Variants in STAG2 observed in about 807,000 individuals in gnomAD.
STAG2 encodes cohesin subunit SA-2.
A neutral mutation model predicts 108.1 loss-of-function variants in STAG2; 14 were observed. That is an observed-to-expected ratio of 0.13 (90% confidence interval 0.09 to 0.20). The LOEUF (loss-of-function observed/expected upper bound fraction) is 0.20, where lower values mean the gene tolerates loss of function less well. STAG2 is among the 10% of genes least tolerant of loss of function. The pLI is 1.00. For missense variants in STAG2, 440 were observed against 940.9 expected (o/e 0.47, Z 6.96); for synonymous variants, 307 against 302.7 (o/e 1.01, Z -0.15).
chrX:124,070,139 A>G (rs2058629976), intron 24 of STAG2, among the ~76,000 whole-genome samples: 1 of 111,683 alleles, frequency 9.0e-6, no homozygotes, highest in South Asian at 3.7e-4. Context: ...TGTCCTGGTC[A>G]GCTCACTTGA....
intron 1 of STAG2, among the ~76,000 whole-genome samples, chrX:123,987,779 G>A (rs2055269557): frequency 8.9e-6 from 1 of 111,851 alleles, no homozygotes; most frequent in African/African-American, 3.2e-5. Flanking sequence ...CATAGGAAGC[G>A]TTGTTAGTTA....
At chrX:124,049,625 A>G (rs1453158756) in intron 10 of STAG2, among the ~76,000 whole-genome samples, 1 of 111,914 alleles carries the variant, frequency 8.9e-6, no homozygotes, top group African/African-American at 3.2e-5. Context: ...CTCCATGTCC[A>G]TTCTTACCTT....
At chrX:124,055,121 G>T in intron 13 of STAG2, among the ~76,000 whole-genome samples, 1 of 111,891 alleles carries the variant, frequency 8.9e-6, no homozygotes, top group Non-Finnish European at 1.9e-5. Context: ...AGAACAATCT[G>T]ATATTATATA....
At chrX:124,084,565 A>C (rs778848701) in intron 29 of STAG2, among the ~76,000 whole-genome samples, 15 of 110,970 alleles carry the variant, frequency 1.4e-4, no homozygotes, top group African/African-American at 4.9e-4. Context: ...TGATCTGTCC[A>C]CCTTGGCCTC....
upstream of STAG2, chrX:123,960,704 C>T (rs2053811134): frequency 9.6e-6 from 1 of 104,215 alleles, no homozygotes; most frequent in African/African-American, 3.6e-5. Context: ...TCTAGAACCG[C>T]GGGAGCTTCC....
At chrX:124,061,911 C>T (rs764723714) in intron 17 of STAG2, 37 bp downstream of exon 17, 53 of 987,794 alleles carry the variant, frequency 5.4e-5, no homozygotes, top group Non-Finnish European at 7.2e-5. Context: ...TTCTAAACTC[C>T]ATTTCTCCTT....
At chrX:124,093,663 C>G (rs1489119143) in intron 32 of STAG2, among the ~76,000 whole-genome samples, 3 of 108,934 alleles carry the variant, frequency 2.8e-5, no homozygotes, top group African/African-American at 1.0e-4. Context: ...TTTTTTTGGT[C>G]TCTGTTTTAT....
intron 30 of STAG2, among the ~76,000 whole-genome samples, chrX:124,089,070 C>T (rs755172478): frequency 3.7e-5 from 4 of 108,906 alleles, no homozygotes; most frequent in East Asian, 2.9e-4. Context: ...CGCCCGCCAC[C>T]GCACCTGGCT....
rs193290690 is a variant in STAG2 at position 124,030,921 on chromosome X, G to T, written c.124-40G>T. 239 of 1,153,936 alleles carry T rather than the reference G, an allele frequency of 2.1e-4. No homozygotes were observed. The African/African-American group carries it at 3.1e-3, about 15-fold the overall frequency. The stretch of plus-strand genomic sequence containing the variant: ...TGTAGCTGTGTTTTGAACTCTCAAG[G>T]ATAGTGATATAACTTAACCACCTCG... On this transcript the variant is annotated intron_variant, in intron 4 of 34. Transcript: ENST00000371145.
intron 20 of STAG2, 116 bp from the exon 21 acceptor site, chrX:124,065,760 A>C (rs752525217): frequency 2.1e-6 from 1 of 481,275 alleles, no homozygotes; most frequent in East Asian, 4.4e-5. Flanking sequence ...ATTGAATGAC[A>C]AAGTTCATTT....
At chrX:124,021,140 T>A (rs912687439) in intron 1 of STAG2, among the ~76,000 whole-genome samples, 7 of 112,467 alleles carry the variant, frequency 6.2e-5, no homozygotes, top group Non-Finnish European at 1.3e-4. Flanking sequence ...TTTTCTGTTT[T>A]AGCTTAAGTA....
intron 1 of STAG2, chrX:123,963,359 G>A (rs2053956913): frequency 9.0e-6 from 1 of 111,635 alleles, no homozygotes; most frequent in Non-Finnish European, 1.9e-5. Context: ...TAAAAAAAAG[G>A]CTCTGGGAAG....
At chrX:124,100,457 AGTGGTTTTAT>A in intron 34 of STAG2, 107 bp from the exon 35 acceptor site, 1 of 590,141 alleles carries the variant, frequency 1.7e-6, no homozygotes, top group Non-Finnish European at 2.7e-6. Flanking sequence ...AAGTTTTCAA[AGTGGTTTTAT>A]TAGCATGTTA....
intron 4 of STAG2, among the ~76,000 whole-genome samples, chrX:124,028,794 T>TTATATATATATATATA (rs56052834): frequency 1.3e-5 from 1 of 75,090 alleles, no homozygotes; most frequent in African/African-American, 5.8e-5. Flanking sequence ...TAAGAATAGT[T>TTATATATATATATATA]TATATATATA....
chrX:123,982,494 C>T (rs931700835), intron 1 of STAG2, among the ~76,000 whole-genome samples: 6 of 111,531 alleles, frequency 5.4e-5, no homozygotes, highest in South Asian at 3.7e-4. Flanking sequence ...TGGGTTCAAG[C>T]GATTCTTGTG....
intron 4 of STAG2, among the ~76,000 whole-genome samples, chrX:124,028,822 A>ATTTT (rs767163177): frequency 2.6e-5 from 1 of 38,986 alleles, no homozygotes; most frequent in African/African-American, 1.1e-4. Flanking sequence ...ATATATATAT[A>ATTTT]TTTTTTTTTT....
Position 124,072,257 on chromosome X carries a change from G to A in STAG2, c.2533+934G>A, listed in dbSNP as rs148745215. On this transcript the variant is annotated intron_variant, in intron 25 of 34. Transcript: ENST00000371145. Reference sequence around the variant, plus strand: ...TGGTCTCAAGTGATCTTCTTGCCTCGGCCTCCCAAACTGTGAAGTTAAAAC... The same window carrying A: ...TGGTCTCAAGTGATCTTCTTGCCTCAGCCTCCCAAACTGTGAAGTTAAAAC... 7.4e-3 allele frequency among the ~76,000 whole-genome samples: 817 copies of A among 111,079 alleles called. 7 individuals carry two copies. Among genetic ancestry groups the A allele is most frequent in the African/African-American group, 0.025 (766 of 30,550 alleles).
chrX:123,983,974 C>CTTTTCTTTTTTTTTTTTTTTTTTTT (rs1168788249), intron 1 of STAG2, among the ~76,000 whole-genome samples: 2 of 61,478 alleles, frequency 3.3e-5, no homozygotes, highest in African/African-American at 1.8e-4. Flanking sequence ...CTTTTCTTTT[C>CTTTTCTTTTTTTTTTTTTTTTTTTT]TTTTTTTTTT....
Position 124,090,931 on chromosome X carries a change from A to G in STAG2, c.3545A>G (p.Tyr1182Cys). 3.3e-6 allele frequency: 4 copies of G among 1,209,527 alleles called. No individual in the cohort carries two copies. The highest frequency in any genetic ancestry group is 2.2e-5 in the Admixed American group (1 of 45,965). ...CAGCAGGAGAGAGCAGCAATGAGCT[A>G]TGTTAAACTGCGAACTAATCTTCAG... ...RQQQERAAMS[Y>C]VKLRTNLQHA... Residue 1182 changes from tyrosine to cysteine, a missense_variant, in exon 32 of 35, where the codon TAT becomes TGT. Coordinates refer to ENST00000371145, the MANE Select transcript of STAG2 (RefSeq NM_001042750.2).
Sources: allele counts gnomAD v4.1 joint callset (sites outside exome capture counted in the v4.1 genomes callset), GRCh38; gene constraint gnomAD v4.1.1; transcripts MANE v1.5; gene names NCBI Gene and HGNC (gene_info 2026-07-23, HGNC 2026-07-21).